The following GRID1 variants were observed in gnomAD, a reference collection of about 807,000 sequenced individuals.
The protein encoded by GRID1 is glutamate ionotropic receptor delta type subunit 1.
GRID1 carries 28 observed loss-of-function variants against 98.0 expected under a neutral mutation model. That is an observed-to-expected ratio of 0.29 (90% CI 0.21 to 0.39). The LOEUF is 0.39. Ranked by LOEUF, GRID1 falls within the 10% of genes least tolerant of loss-of-function variation. GRID1 has a pLI of 1.00. For missense variants in GRID1, 1,111 were observed against 1,340.5 expected (o/e 0.83, Z 2.67); for synonymous variants, 553 against 538.5 (o/e 1.03, Z -0.37).
At chr10:85,885,184 G>T (rs1028469061) in intron 5 of GRID1, among the ~76,000 whole-genome samples, 3 of 152,166 alleles carry the variant, frequency 2.0e-5, no homozygotes, top group African/African-American at 7.2e-5. Flanking sequence ...AAAGTGTTAA[G>T]ACCAAAGAAA....
intron 4 of GRID1, among the ~76,000 whole-genome samples, chr10:86,010,799 C>G (rs1385900018): frequency 7.6e-6 from 1 of 130,962 alleles, no homozygotes; most frequent in Non-Finnish European, 1.6e-5. Context: ...GCCTGGGCAA[C>G]AGAGACTATG....
At chr10:85,808,567 T>G (rs926397399) in intron 8 of GRID1, among the ~76,000 whole-genome samples, 1 of 152,150 alleles carries the variant, frequency 6.6e-6, no homozygotes, top group African/African-American at 2.4e-5. Flanking sequence ...AGTATAAACA[T>G]CTCGATGAAT....
chr10:86,083,584 A>G (rs1368333654), intron 4 of GRID1, among the ~76,000 whole-genome samples: 1 of 152,216 alleles, frequency 6.6e-6, no homozygotes, highest in Non-Finnish European at 1.5e-5. Context: ...TCCTTTTCCA[A>G]GTGATAGTAA....
At chr10:85,642,582 G>A (rs1843135271) in intron 13 of GRID1, among the ~76,000 whole-genome samples, 1 of 152,166 alleles carries the variant, frequency 6.6e-6, no homozygotes, top group Non-Finnish European at 1.5e-5. Context: ...GAACAATCCT[G>A]TATTTATTGA....
intron 12 of GRID1, among the ~76,000 whole-genome samples, chr10:85,700,711 C>T (rs1007910546): frequency 6.6e-6 from 1 of 152,018 alleles, no homozygotes; most frequent in Non-Finnish European, 1.5e-5. Context: ...TGAGATATTC[C>T]CTCCTCAATG....
chr10:86,120,158 A>T (rs1227523148), intron 4 of GRID1, among the ~76,000 whole-genome samples: 2 of 152,132 alleles, frequency 1.3e-5, no homozygotes, highest in Non-Finnish European at 2.9e-5. Context: ...AGTCCTTCCC[A>T]GCCTGGCCTC....
chr10:85,877,453 A>ACTGTTCTACAGCCACCG (rs1397108155), intron 5 of GRID1, among the ~76,000 whole-genome samples: 2 of 152,054 alleles, frequency 1.3e-5, no homozygotes, highest in African/African-American at 4.8e-5. Context: ...ACCAAAATCC[A>ACTGTTCTACAGCCACCG]CTGTTCTACA....
intron 2 of GRID1, among the ~76,000 whole-genome samples, chr10:86,266,936 C>G (rs774422721): frequency 1.3e-5 from 2 of 152,196 alleles, no homozygotes; most frequent in Non-Finnish European, 2.9e-5. Flanking sequence ...GACTCTTCCC[C>G]TATCCCCACA....
At chr10:86,219,259 G>T (rs929952205) in intron 2 of GRID1, among the ~76,000 whole-genome samples, 1 of 152,228 alleles carries the variant, frequency 6.6e-6, no homozygotes, top group African/African-American at 2.4e-5. Flanking sequence ...ACCCCCAGCT[G>T]CTGGGCTCTT....
chr10:85,778,717 G>C (rs1490539304), intron 8 of GRID1, among the ~76,000 whole-genome samples: 1 of 152,208 alleles, frequency 6.6e-6, no homozygotes, highest in Non-Finnish European at 1.5e-5. Flanking sequence ...AAACTTCTGA[G>C]ACAGAAAAAG....
chr10:85,609,427 A>C (rs910151438), intron 15 of GRID1, among the ~76,000 whole-genome samples: 3 of 152,218 alleles, frequency 2.0e-5, no homozygotes, highest in Admixed American at 1.3e-4. Context: ...TTGAATCCTC[A>C]GTGCAACGCT....
At chr10:86,223,496 G>A (rs544645857) in intron 2 of GRID1, among the ~76,000 whole-genome samples, 33 of 152,354 alleles carry the variant, frequency 2.2e-4, no homozygotes, top group African/African-American at 6.7e-4. Context: ...CTGTGCTGAG[G>A]AGGCATTCCC....
At chr10:85,910,550 G>T (rs1841523113) in intron 5 of GRID1, among the ~76,000 whole-genome samples, 1 of 152,204 alleles carries the variant, frequency 6.6e-6, no homozygotes, top group African/African-American at 2.4e-5. Context: ...ACAAACTAGT[G>T]TAAGTGATAA....
chr10:85,709,169 G>T, intron 12 of GRID1: 1 of 315,378 alleles, frequency 3.2e-6, no homozygotes. Context: ...AAGGCCCACC[G>T]AGGCTGGGCT....
chr10:85,649,345 CAT>C (rs568994461), intron 12 of GRID1, among the ~76,000 whole-genome samples: 1 of 152,138 alleles, frequency 6.6e-6, no homozygotes, highest in Non-Finnish European at 1.5e-5. Flanking sequence ...TGAAAGGAAA[CAT>C]AAAATAACAA....
chr10:85,938,392 A>G (rs115514805), intron 4 of GRID1, among the ~76,000 whole-genome samples: 2 of 152,160 alleles, frequency 1.3e-5, no homozygotes, highest in Admixed American at 6.5e-5. Flanking sequence ...CCAATTTTTC[A>G]TCTTATATAT....
chr10:86,035,396 T>G lies in GRID1; in HGVS notation c.726+103423A>C, dbSNP rs201669457. ...ATGTTGCCAAAAAAGGGTGTCTATT[T>G]TAAATTTGCAGCCTTTTAATTTCAT... On this transcript the variant is annotated intron_variant, in intron 4 of 15. Coordinates refer to ENST00000327946, the MANE Select transcript of GRID1 (RefSeq NM_017551.3). Among the ~76,000 whole-genome samples the G allele has an allele frequency of 2.6e-5, 4 of 152,360 alleles. No homozygotes were observed. The East Asian group carries it at 7.7e-4, about 29-fold the overall frequency.
intron 4 of GRID1, among the ~76,000 whole-genome samples, chr10:86,076,065 C>A (rs775497881): frequency 6.6e-6 from 1 of 152,216 alleles, no homozygotes. Context: ...AAATCTAAAT[C>A]AAATGGCCCC....
chr10:86,341,862 G>A (rs943041559), intron 2 of GRID1, among the ~76,000 whole-genome samples: 1 of 152,184 alleles, frequency 6.6e-6, no homozygotes, highest in Admixed American at 6.5e-5. Context: ...CCCCAATTTA[G>A]GGATCTGGCC....
Sources: gnomAD v4.1 joint callset for allele counts (sites outside exome capture counted in the v4.1 genomes callset) on GRCh38, gnomAD v4.1.1 for gene constraint, MANE v1.5 for transcripts, NCBI Gene and HGNC (gene_info 2026-07-23, HGNC 2026-07-21) for gene names.